PLCE1: variants seen among roughly 807,000 people sequenced by gnomAD.
PLCE1 encodes the protein phospholipase C epsilon 1, also known as 1-phosphatidylinositol 4,5-bisphosphate phosphodiesterase epsilon-1.
In PLCE1, 119 loss-of-function variants were observed where a neutral mutation model predicts 242.8. The ratio of observed to expected loss-of-function variants is 0.49; its 90% confidence interval spans 0.42 to 0.57. The LOEUF is 0.57. Ranked by LOEUF, PLCE1 falls within the 20% of genes least tolerant of loss-of-function variation. The pLI is 0.00. For missense variants in PLCE1, 2,441 were observed against 2,788.8 expected, an observed-to-expected ratio of 0.88 and a Z score of 2.81; for synonymous variants, 945 against 1,017.4, an observed-to-expected ratio of 0.93 and a Z score of 1.35.
intron 2 of PLCE1, among the ~76,000 whole-genome samples, chr10:94,074,682 G>A (rs187110260): frequency 1.2e-4 from 19 of 152,198 alleles, no homozygotes; most frequent in African/African-American, 3.4e-4. Context: ...AATGCTTTAC[G>A]ATACTATCTT....
Position 94,273,521 on chromosome 10 carries a change from A to G in PLCE1, c.4507-41A>G, listed in dbSNP as rs190041896. Reference sequence around the variant, plus strand: ...GTGTACATATATTTATCAATTATAGATAAAAGGCATTGATTGTATGTTTTC... The same window carrying G: ...GTGTACATATATTTATCAATTATAGGTAAAAGGCATTGATTGTATGTTTTC... On this transcript the variant is annotated intron_variant, in intron 18 of 32. Transcript: ENST00000371380. The G allele has an allele frequency of 3.7e-5, 58 of 1,553,282 alleles. No individual in the cohort carries two copies. The Admixed American group carries it at 3.8e-4, about 10-fold the overall frequency.
At chr10:94,010,593 A>G (rs1481181138) in intron 1 of PLCE1, among the ~76,000 whole-genome samples, 1 of 152,188 alleles carries the variant, frequency 6.6e-6, no homozygotes, top group African/African-American at 2.4e-5. Context: ...ACTTTAAGTC[A>G]TTCCTTAGAC....
At chr10:94,266,802 A>G (rs894367748) in intron 16 of PLCE1, among the ~76,000 whole-genome samples, 1 of 152,218 alleles carries the variant, frequency 6.6e-6, no homozygotes, top group Non-Finnish European at 1.5e-5. Context: ...TATTCCTCAA[A>G]GCATGGGGCA....
chr10:94,147,063 G>A (rs1232828363), intron 3 of PLCE1, among the ~76,000 whole-genome samples: 1 of 151,830 alleles, frequency 6.6e-6, no homozygotes, highest in Non-Finnish European at 1.5e-5. Flanking sequence ...GAAACGCTGT[G>A]TCTCTCTCCC....
At position 94,134,223 on chromosome 10, in the gene PLCE1, C is replaced by T. The variant is rs181211037; in HGVS notation, c.1492+1764C>T. ...TCAAGTTTCTCATGCCTCAGCCTCC[C>T]GAGTAGCTGGGACCACAGGCACACG... On this transcript the variant is annotated intron_variant, in intron 3 of 32. Coordinates refer to ENST00000371380, the MANE Select transcript of PLCE1 (RefSeq NM_016341.4). 3.9e-5 allele frequency among the ~76,000 whole-genome samples: 6 copies of T among 152,114 alleles called. No homozygotes were observed. The East Asian group carries it at 7.7e-4, about 20-fold the overall frequency.
At chr10:94,040,215 G>A (rs997692204) in intron 2 of PLCE1, among the ~76,000 whole-genome samples, 6 of 152,048 alleles carry the variant, frequency 3.9e-5, no homozygotes, top group Non-Finnish European at 2.9e-5. Context: ...CTCAGCCTCC[G>A]AAAGTACTGG....
chr10:94,107,413 G>T (rs1345903227), intron 2 of PLCE1, among the ~76,000 whole-genome samples: 1 of 152,072 alleles, frequency 6.6e-6, no homozygotes, highest in East Asian at 1.9e-4. Context: ...GATTAGGAAT[G>T]GTCTGTCTGG....
At chr10:94,319,862 CTCT>C (rs1194514998) in intron 29 of PLCE1, among the ~76,000 whole-genome samples, 25 of 86,224 alleles carry the variant, frequency 2.9e-4, no homozygotes, top group South Asian at 1.7e-3. Flanking sequence ...CTCAAAGGTG[CTCT>C]TTTTTTTTTT....
chr10:94,113,065 G>T (rs1007508651), intron 2 of PLCE1, among the ~76,000 whole-genome samples: 1 of 152,096 alleles, frequency 6.6e-6, no homozygotes, highest in South Asian at 2.1e-4. Flanking sequence ...AATCTGTAGC[G>T]ATGGAAGGTA....
chr10:94,158,889 T>C (rs1029768336), intron 3 of PLCE1, among the ~76,000 whole-genome samples: 1 of 145,524 alleles, frequency 6.9e-6, no homozygotes, highest in Non-Finnish European at 1.5e-5. Context: ...GGAGTTTCGC[T>C]CTTGTTGCCC....
At chr10:94,060,932 A>AG (rs34407759) in intron 2 of PLCE1, among the ~76,000 whole-genome samples, 61,586 of 151,760 alleles carry the variant, frequency 0.41, 15,960 homozygotes, top group African/African-American at 0.74. Context: ...CCTGGGCTCA[A>AG]TGATCATCCA....
At chr10:94,257,698 A>G (rs2051148929) in intron 11 of PLCE1, among the ~76,000 whole-genome samples, 1 of 152,104 alleles carries the variant, frequency 6.6e-6, no homozygotes, top group South Asian at 2.1e-4. Context: ...GCGTGTTCTC[A>G]CTCATAGGTA....
intron 32 of PLCE1, among the ~76,000 whole-genome samples, chr10:94,326,222 C>G (rs1181720710): frequency 1.3e-5 from 2 of 152,202 alleles, no homozygotes; most frequent in Non-Finnish European, 2.9e-5. Context: ...GCTTCACCAT[C>G]TGCCTTTATG....
intron 2 of PLCE1, chr10:94,120,658 C>T (rs759245140): frequency 2.0e-5 from 3 of 152,198 alleles, no homozygotes; most frequent in Non-Finnish European, 4.4e-5. Flanking sequence ...TCTCTGCTTG[C>T]AGACCCTACT....
chr10:94,171,531 C>G (rs1354816932), intron 4 of PLCE1, 35 bp downstream of exon 4: 1 of 1,527,474 alleles, frequency 6.5e-7, no homozygotes, highest in Non-Finnish European at 9.1e-7. Context: ...TGGTATTTGA[C>G]TCACCCGTAA....
At chr10:94,280,411 C>T (rs1201673380) in intron 20 of PLCE1, 1 of 162,556 alleles carries the variant, frequency 6.2e-6, no homozygotes, top group Non-Finnish European at 1.3e-5. Context: ...CAAGATCTTT[C>T]CTTCTGGCCC....
intron 3 of PLCE1, among the ~76,000 whole-genome samples, chr10:94,161,497 G>A (rs1316516784): frequency 6.6e-5 from 10 of 152,076 alleles, no homozygotes; most frequent in South Asian, 2.1e-4. Flanking sequence ...ATTTTTGCAC[G>A]TTGATTTTGT....
intron 2 of PLCE1, among the ~76,000 whole-genome samples, chr10:94,074,262 G>A (rs992407300): frequency 2.7e-5 from 4 of 148,966 alleles, no homozygotes; most frequent in African/African-American, 1.0e-4. Flanking sequence ...GCTCAAACAT[G>A]GATCACTGCA....
At chr10:94,123,282 G>C (rs1264076695) in intron 2 of PLCE1, among the ~76,000 whole-genome samples, 1 of 152,312 alleles carries the variant, frequency 6.6e-6, no homozygotes, top group Non-Finnish European at 1.5e-5. Context: ...GTTTTCAAAT[G>C]TCCTGGGGCA....
Sources: allele counts gnomAD v4.1 joint callset (sites outside exome capture counted in the v4.1 genomes callset), GRCh38; gene constraint gnomAD v4.1.1; transcripts MANE v1.5; gene names NCBI Gene and HGNC (gene_info 2026-07-23, HGNC 2026-07-21).